The following DYM variants were observed in gnomAD, a reference collection of about 807,000 sequenced individuals.
DYM encodes dyggve-Melchior-Clausen syndrome protein.
Under a neutral mutation model 93.1 loss-of-function variants are expected in DYM, and 78 were observed. That is an observed-to-expected ratio of 0.84 (90% CI 0.70 to 1.01). The LOEUF (loss-of-function observed/expected upper bound fraction) is 1.01. Among genes scored for constraint, DYM ranks in the 50% least tolerant of loss-of-function variants. DYM has a pLI of 0.00. For synonymous variants in DYM, 321 were observed against 319.7 expected, an observed-to-expected ratio of 1.00 and a Z score of -0.04; for missense variants, 789 against 845.0, an observed-to-expected ratio of 0.93 and a Z score of 0.82.
At chr18:49,249,342 C>T (rs938019267) in intron 13 of DYM, among the ~76,000 whole-genome samples, 5 of 151,952 alleles carry the variant, frequency 3.3e-5, no homozygotes. Context: ...CTAAAATTAT[C>T]ATAATCATAT....
At chr18:49,458,422 C>T (rs904135821) in intron 1 of DYM, among the ~76,000 whole-genome samples, 2 of 151,982 alleles carry the variant, frequency 1.3e-5, no homozygotes, top group African/African-American at 2.4e-5. Context: ...AACATAAAAG[C>T]GTTTGCACTG....
intron 16 of DYM, among the ~76,000 whole-genome samples, chr18:49,102,949 T>C (rs1240387644): frequency 6.6e-6 from 1 of 152,226 alleles, no homozygotes; most frequent in Non-Finnish European, 1.5e-5. Flanking sequence ...GATTGCTGGG[T>C]CAAATGGTAT....
At chr18:49,117,695 A>C (rs879037998) in intron 16 of DYM, among the ~76,000 whole-genome samples, 12 of 152,270 alleles carry the variant, frequency 7.9e-5, no homozygotes, top group African/African-American at 2.9e-4. Context: ...AACATTCTCA[A>C]ATCTGCTCTT....
intron 1 of DYM, among the ~76,000 whole-genome samples, chr18:49,454,844 T>G (rs536489460): frequency 2.0e-5 from 3 of 148,236 alleles, no homozygotes; most frequent in South Asian, 4.3e-4. Flanking sequence ...GGAGGCAGAG[T>G]TTGCAGTGAG....
At chr18:49,168,633 C>T (rs750993777) in intron 14 of DYM, among the ~76,000 whole-genome samples, 1 of 152,070 alleles carries the variant, frequency 6.6e-6, no homozygotes, top group Non-Finnish European at 1.5e-5. Flanking sequence ...GAGTGAGAAG[C>T]TAATTCTTAC....
At chr18:49,060,713 G>C in intron 17 of DYM, among the ~76,000 whole-genome samples, 1 of 96,076 alleles carries the variant, frequency 1.0e-5, no homozygotes, top group Non-Finnish European at 2.2e-5. Flanking sequence ...GGGGGAGAGA[G>C]GGAGGTGGGG....
Position 49,097,412 on chromosome 18 carries a change from T to C in DYM, c.2015A>G (p.Asp672Gly), listed in dbSNP as rs746380133. Reference protein sequence around the residue: ...IKQGVVALPKDRLKKFPELKF... With the variant: ...IKQGVVALPKGRLKKFPELKF... The stretch of plus-strand genomic sequence containing the variant: ...CTTTAGCCTTCTTACCTTCAGTCTG[T>C]CTTTGGGCAGCGCAACGACGCCTTG... Residue 672 changes from aspartate to glycine, a missense_variant, in exon 17 of 18, where the codon GAC (aspartate) becomes GGC (glycine). Asp to Gly is a moderately conservative substitution (Grantham distance 94). Coordinates refer to ENST00000675505, the MANE Select transcript of DYM (RefSeq NM_001353214.3). The C allele has an allele frequency of 1.2e-6, 2 of 1,613,948 alleles. No individual in the cohort carries two copies. The highest frequency in any genetic ancestry group is 3.3e-5 in the Admixed American group (2 of 60,000).
At chr18:49,253,255 T>C (rs922111600) in intron 13 of DYM, among the ~76,000 whole-genome samples, 3 of 152,238 alleles carry the variant, frequency 2.0e-5, no homozygotes, top group African/African-American at 7.2e-5. Context: ...ACTGCTTACT[T>C]CTCACTTGAA....
chr18:49,270,544 T>C (rs1437840197), intron 11 of DYM, among the ~76,000 whole-genome samples: 1 of 152,126 alleles, frequency 6.6e-6, no homozygotes, highest in Non-Finnish European at 1.5e-5. Flanking sequence ...GTATTCAGGA[T>C]TTTTGCCAAA....
chr18:49,055,772 C>T (rs2075416032), intron 17 of DYM, among the ~76,000 whole-genome samples: 1 of 152,210 alleles, frequency 6.6e-6, no homozygotes, highest in African/African-American at 2.4e-5. Context: ...CCTGAATTCC[C>T]TTTCTTGGAC....
rs1050596809 is a variant in DYM at position 49,232,504 on chromosome 18, C to T, written c.1461-22789G>A. ...ATTTTTAGTAGAGATGGGGTTTCAC[C>T]GTGTTAGCCAGGATGGTTTCAATCT... On this transcript the variant is annotated intron_variant, in intron 13 of 17. Transcript: ENST00000675505. Among the ~76,000 whole-genome samples the T allele has an allele frequency of 4.6e-5, 7 of 151,032 alleles. 1 individual carries two copies. The highest frequency in any genetic ancestry group is 1.3e-4 in the Admixed American group (2 of 15,148).
chr18:49,127,733 G>A (rs566561524), intron 15 of DYM, among the ~76,000 whole-genome samples: 13 of 152,314 alleles, frequency 8.5e-5, no homozygotes, highest in African/African-American at 2.9e-4. Flanking sequence ...ACACTGGAAA[G>A]CTTTGTGGCC....
intron 2 of DYM, among the ~76,000 whole-genome samples, chr18:49,426,610 A>T (rs372443707): frequency 2.6e-5 from 4 of 152,222 alleles, no homozygotes; most frequent in African/African-American, 9.6e-5. Flanking sequence ...CGGAAAAGGA[A>T]ATACCAATAC....
chr18:49,295,512 T>C (rs2060471906), intron 8 of DYM, among the ~76,000 whole-genome samples: 2 of 152,148 alleles, frequency 1.3e-5, no homozygotes, highest in South Asian at 4.2e-4. Context: ...CCAGGCATAG[T>C]GTTGGGAGCC....
At chr18:49,112,216 G>A (rs1037082371) in intron 16 of DYM, among the ~76,000 whole-genome samples, 3 of 149,564 alleles carry the variant, frequency 2.0e-5, no homozygotes, top group East Asian at 2.0e-4. Context: ...ATGATGCTAC[G>A]CATTTTTCTA....
At chr18:49,201,997 C>G (rs1350162478) in intron 14 of DYM, among the ~76,000 whole-genome samples, 1 of 152,198 alleles carries the variant, frequency 6.6e-6, no homozygotes, top group Non-Finnish European at 1.5e-5. Context: ...GACAGGAACT[C>G]TCTATTGTAT....
At chr18:49,418,176 A>T (rs993327118) in intron 2 of DYM, 1 of 152,178 alleles carries the variant, frequency 6.6e-6, no homozygotes, top group Non-Finnish European at 1.5e-5. Context: ...ACTCAGAGAT[A>T]AGTCATCTGG....
chr18:49,252,986 A>G (rs907940106), intron 13 of DYM, among the ~76,000 whole-genome samples: 5 of 152,228 alleles, frequency 3.3e-5, no homozygotes, highest in Admixed American at 3.3e-4. Context: ...TAGAACACCA[A>G]GAGTCTGTAG....
intron 8 of DYM, among the ~76,000 whole-genome samples, chr18:49,306,626 C>G (rs1417166133): frequency 6.6e-6 from 1 of 152,152 alleles, no homozygotes; most frequent in African/African-American, 2.4e-5. Flanking sequence ...CAAAGTAGAA[C>G]TTCAAATGTG....
Sources: gnomAD v4.1 joint callset for allele counts (sites outside exome capture counted in the v4.1 genomes callset) on GRCh38, gnomAD v4.1.1 for gene constraint, MANE v1.5 for transcripts, NCBI Gene and HGNC (gene_info 2026-07-23, HGNC 2026-07-21) for gene names.